TJP2: variants seen among roughly 807,000 people sequenced by gnomAD.
TJP2 encodes the protein Friedreich ataxia region gene X104 (tight junction protein ZO-2).
A neutral mutation model predicts 133.1 loss-of-function variants in TJP2; 91 were observed. That is an observed-to-expected ratio of 0.68 (90% CI 0.58 to 0.81). TJP2 has a LOEUF of 0.81. Among genes scored for constraint, TJP2 ranks in the 40% least tolerant of loss-of-function variants. The pLI is 0.00. For synonymous variants in TJP2, 592 were observed against 583.4 expected (o/e 1.01, Z -0.21); for missense variants, 1,541 against 1,565.6 (o/e 0.98, Z 0.26).
chr9:69,245,653 T>C (rs1304451046), intron 17 of TJP2, among the ~76,000 whole-genome samples: 2 of 152,220 alleles, frequency 1.3e-5, no homozygotes, highest in Non-Finnish European at 2.9e-5. Context: ...TGTGTGGCCT[T>C]GGGCTAGTTA....
chr9:69,243,902 G>T (rs1830736797), intron 17 of TJP2, among the ~76,000 whole-genome samples: 2 of 136,284 alleles, frequency 1.5e-5, no homozygotes, highest in South Asian at 5.1e-4. Context: ...ATATAGTTCA[G>T]CTGGGCATGG....
chr9:69,151,859 TAGTC>T (rs1823493089), intron 2 of TJP2: 1 of 1,194,192 alleles, frequency 8.4e-7, no homozygotes, highest in Admixed American at 4.2e-5. Flanking sequence ...ATTCTAGAGG[TAGTC>T]AGAGTTACCA....
Position 69,236,996 on chromosome 9 carries a change from G to C in TJP2, c.2039G>C (p.Gly680Ala). 6.2e-7 allele frequency: 1 copy of C among 1,614,210 alleles called. No homozygotes were observed. The highest frequency in any genetic ancestry group is 1.1e-5 in the South Asian group (1 of 91,088). Residue 680 changes from glycine (G) to alanine (A), a missense_variant, in exon 14 of 23, where the codon GGG (glycine) becomes GCG (alanine). Transcript: ENST00000377245. ...SVQNAQRDNA[G>A]DRADFWRMRG... ...CAAAATGCCCAGAGAGACAACGCTGGGGACCGGGCAGATTTCTGGAGAATG... is the reference window on the plus strand; with the variant it reads ...CAAAATGCCCAGAGAGACAACGCTGCGGACCGGGCAGATTTCTGGAGAATG...
chr9:69,123,060 A>G (rs1015210609), intron 1 of TJP2, among the ~76,000 whole-genome samples: 1 of 152,160 alleles, frequency 6.6e-6, no homozygotes, highest in African/African-American at 2.4e-5. Context: ...CTGCTGAATC[A>G]GGATCACCCA....
At chr9:69,237,502 C>CA (rs1351005582) in intron 14 of TJP2, among the ~76,000 whole-genome samples, 1 of 151,756 alleles carries the variant, frequency 6.6e-6, no homozygotes, top group Non-Finnish European at 1.5e-5. Context: ...CTCATCTCTG[C>CA]AAAAAATAAA....
chr9:69,219,225 T>A (rs1376672237), intron 4 of TJP2, among the ~76,000 whole-genome samples: 1 of 152,196 alleles, frequency 6.6e-6, no homozygotes, highest in Non-Finnish European at 1.5e-5. Context: ...AGCCTTGGCC[T>A]CCCAAAGTGC....
chr9:69,161,125 G>A (rs1395782954), intron 2 of TJP2, among the ~76,000 whole-genome samples: 3 of 152,176 alleles, frequency 2.0e-5, no homozygotes, highest in African/African-American at 4.8e-5. Context: ...GGGCTTCAAC[G>A]GATGGGAAGT....
At chr9:69,246,588 G>C (rs1830943026) in intron 17 of TJP2, 102 bp from the exon 18 acceptor site, 1 of 1,005,668 alleles carries the variant, frequency 9.9e-7, no homozygotes. Flanking sequence ...GTCTGCCATA[G>C]TCTTAAATAT....
Position 69,229,343 on chromosome 9 carries a change from G to T in TJP2, c.1520+93G>T. 9 of 1,307,936 alleles carry T rather than the reference G, an allele frequency of 6.9e-6. No individual in the cohort carries two copies. In the Admixed American group the frequency reaches 1.3e-4, roughly 20 times the overall value. The allele number at this position is 1,307,936 out of a possible 1,614,324, so 81.0% of individuals were successfully genotyped here. Reference sequence around the variant, plus strand: ...GAAGAGTGGTGGTTTTTGCCTAGATGGTGATTTTGTACACTGTCAGCCACC... The same window carrying T: ...GAAGAGTGGTGGTTTTTGCCTAGATTGTGATTTTGTACACTGTCAGCCACC... On this transcript the variant is annotated intron_variant, in intron 10 of 22. Transcript: ENST00000377245.
At chr9:69,214,828 A>C (rs1182434073) in intron 2 of TJP2, among the ~76,000 whole-genome samples, 1 of 146,902 alleles carries the variant, frequency 6.8e-6, no homozygotes, top group Non-Finnish European at 1.5e-5. Context: ...AGCCAGCACC[A>C]CTGCACTCCA....
At chr9:69,210,292 C>CT (rs998004147) in intron 1 of TJP2, among the ~76,000 whole-genome samples, 1 of 45,040 alleles carries the variant, frequency 2.2e-5, no homozygotes, top group Non-Finnish European at 5.3e-5. Flanking sequence ...CCGTCCCCCC[C>CT]CCCCCCCAAA....
chr9:69,234,069 G>A (rs1314972464), intron 11 of TJP2, among the ~76,000 whole-genome samples: 1 of 152,184 alleles, frequency 6.6e-6, no homozygotes, highest in Non-Finnish European at 1.5e-5. Flanking sequence ...CTTCATACTT[G>A]TGTATTACCT....
intron 11 of TJP2, among the ~76,000 whole-genome samples, chr9:69,232,103 T>G (rs7020019): frequency 0.048 from 7,355 of 152,186 alleles, 560 homozygotes; most frequent in African/African-American, 0.17. Context: ...TAAAAAGTCA[T>G]GGTATCAGCA....
At chr9:69,172,902 C>T (rs949122585), upstream of TJP2, among the ~76,000 whole-genome samples, 1 of 152,042 alleles carries the variant, frequency 6.6e-6, no homozygotes, top group African/African-American at 2.4e-5. Context: ...TAAATAGGTG[C>T]TTAGATCAGG....
chr9:69,204,292 A>G (rs1827226638), intron 1 of TJP2, among the ~76,000 whole-genome samples: 1 of 152,154 alleles, frequency 6.6e-6, no homozygotes. Context: ...CACACTTTAC[A>G]TTTGCACGCT....
upstream of TJP2, chr9:69,174,009 T>TCCTGCCGCCGCCGCCG (rs1824852209): frequency 1.0e-6 from 1 of 984,678 alleles, no homozygotes; most frequent in African/African-American, 1.8e-5. Context: ...CTTGGGCTTC[T>TCCTGCCGCCGCCGCCG]CCTGCCGCCG....
At chr9:69,151,839 C>A (rs1425315384) in intron 2 of TJP2, 2 of 1,226,604 alleles carry the variant, frequency 1.6e-6, no homozygotes, top group Non-Finnish European at 2.0e-6. Flanking sequence ...CGAATAGTTA[C>A]CGTTTTCACA....
At position 69,252,379 on chromosome 9, in the gene TJP2, T is replaced by C. The variant is rs117140511; in HGVS notation, c.3322-436T>C. 3.9e-3 allele frequency among the ~76,000 whole-genome samples: 599 copies of C among 152,172 alleles called. 3 individuals carry two copies. Among genetic ancestry groups the C allele is most frequent in the Non-Finnish European group, 6.5e-3 (442 of 67,990 alleles). On this transcript the variant is annotated intron_variant, in intron 21 of 22. Transcript: ENST00000377245. ...CATCACCACCATCCATCCCCAAAAC[T>C]TTTTTATCCTTCCCACGTGAAACTC...
chr9:69,227,719 A>G (rs1829454816), intron 7 of TJP2, 46 bp from the exon 8 acceptor site: 6 of 1,299,866 alleles, frequency 4.6e-6, no homozygotes, highest in South Asian at 1.3e-5. Context: ...GTAGGAGAAT[A>G]TTTTAAATAT....
Sources: gnomAD v4.1 joint callset for allele counts (sites outside exome capture counted in the v4.1 genomes callset) on GRCh38, gnomAD v4.1.1 for gene constraint, MANE v1.5 for transcripts, NCBI Gene and HGNC (gene_info 2026-07-23, HGNC 2026-07-21) for gene names.